The following VAV2 variants were observed in gnomAD, a reference collection of about 807,000 sequenced individuals.
VAV2 encodes the protein guanine nucleotide exchange factor VAV2.
A neutral mutation model predicts 132.5 loss-of-function variants in VAV2; 67 were observed. That is an observed-to-expected ratio of 0.51 (90% CI 0.42 to 0.62). The LOEUF (loss-of-function observed/expected upper bound fraction) is 0.62. VAV2 is among the 20% of genes least tolerant of loss of function. VAV2 has a pLI of 0.00. For missense variants in VAV2, 938 were observed against 1,153.6 expected (o/e 0.81, Z 2.71); for synonymous variants, 492 against 443.5 (o/e 1.11, Z -1.37).
rs189037733 is a variant in VAV2, at chr9:133,854,560, G to C, written c.380+6814C>G. 8.3e-3 allele frequency among the ~76,000 whole-genome samples: 1,262 copies of C among 152,368 alleles called. 35 individuals are homozygous for C. Among genetic ancestry groups the C allele is most frequent in the Admixed American group, 0.053 (810 of 15,308 alleles). ...GGCAACAGAGGCCTGGGGTGTGGAA[G>C]AGGTGCCAGACTGATGGAGCAAGCC... On this transcript the variant is annotated intron_variant, in intron 3 of 29. Coordinates refer to ENST00000371850, the MANE Select transcript of VAV2 (RefSeq NM_001134398.2).
intron 2 of VAV2, among the ~76,000 whole-genome samples, chr9:133,874,062 G>T (rs1245502980): frequency 6.6e-6 from 1 of 152,238 alleles, no homozygotes; most frequent in Non-Finnish European, 1.5e-5. Context: ...GAGTCACCGG[G>T]GCTGGGGCAG....
intron 3 of VAV2, among the ~76,000 whole-genome samples, chr9:133,855,228 T>C (rs542515170): frequency 6.6e-6 from 1 of 152,340 alleles, no homozygotes; most frequent in East Asian, 1.9e-4. Context: ...CCCTTCACCT[T>C]GGCTCACAGT....
Position 133,845,720 on chromosome 9 carries a change from C to T in VAV2, c.381-11380G>A, listed in dbSNP as rs116715173. Among the ~76,000 whole-genome samples the T allele has an allele frequency of 5.2e-3, 798 of 152,354 alleles. 4 individuals are homozygous for T. Among genetic ancestry groups the T allele is most frequent in the African/African-American group, 0.018 (750 of 41,584 alleles). On this transcript the variant is annotated intron_variant, in intron 3 of 29. Coordinates refer to ENST00000371850, the MANE Select transcript of VAV2 (RefSeq NM_001134398.2). Reference sequence around the variant, plus strand: ...CTACCCTTCCATCCCCTGCCCATGGCAGGCATCACTAGTCAATCACAGTAT... The same window carrying T: ...CTACCCTTCCATCCCCTGCCCATGGTAGGCATCACTAGTCAATCACAGTAT...
At chr9:133,792,782 A>C (rs922433258) in intron 12 of VAV2, among the ~76,000 whole-genome samples, 3 of 149,550 alleles carry the variant, frequency 2.0e-5, no homozygotes, top group Non-Finnish European at 4.4e-5. Context: ...GGGCTGAAAA[A>C]CATCACCTCT....
intron 2 of VAV2, among the ~76,000 whole-genome samples, chr9:133,873,226 G>C (rs970858406): frequency 6.6e-6 from 1 of 152,164 alleles, no homozygotes; most frequent in Admixed American, 6.5e-5. Context: ...TTTAATCTGA[G>C]ATCCTGAGCA....
At chr9:133,977,065 G>A (rs1251419368) in intron 1 of VAV2, among the ~76,000 whole-genome samples, 1 of 152,222 alleles carries the variant, frequency 6.6e-6, no homozygotes, top group African/African-American at 2.4e-5. Flanking sequence ...TGAGGTGCTG[G>A]GAGTTGCGGA....
At chr9:133,851,921 A>G (rs978024986) in intron 3 of VAV2, among the ~76,000 whole-genome samples, 2 of 150,304 alleles carry the variant, frequency 1.3e-5, no homozygotes, top group African/African-American at 2.5e-5. Context: ...GGATGGATGG[A>G]TGGATGGATG....
At chr9:133,793,518 C>A (rs918878377) in intron 12 of VAV2, among the ~76,000 whole-genome samples, 6 of 152,156 alleles carry the variant, frequency 3.9e-5, no homozygotes, top group Non-Finnish European at 5.9e-5. Flanking sequence ...GGAATAAATT[C>A]CCAGAGACAA....
rs368376830 is a variant in VAV2 at position 133,824,584 on chromosome 9, T to G, written c.449+9688A>C. 6.6e-6 allele frequency among the ~76,000 whole-genome samples: 1 copy of G among 152,264 alleles called. No homozygotes were observed. The highest frequency in any genetic ancestry group is 1.9e-4 in the East Asian group (1 of 5,164). On this transcript the variant is annotated intron_variant, in intron 4 of 29. Transcript: ENST00000371850. The surrounding 1 kb of genome is among the most constrained non-coding windows in gnomAD (Gnocchi z 5.2). ...CCTCCTCCAGGAAGGCTTCCTGCCC[T>G]CCTGGCTTGTCAGGGTCTGCCCCCA...
rs144097345 is a variant in VAV2, at chr9:133,801,358, A to G, written c.837-3549T>C. 7.7e-3 allele frequency among the ~76,000 whole-genome samples: 1,178 copies of G among 152,310 alleles called. 26 individuals are homozygous for G. The highest frequency in any genetic ancestry group is 0.043 in the Admixed American group (663 of 15,304). On this transcript the variant is annotated intron_variant, in intron 9 of 29. Transcript: ENST00000371850. ...TCACCACAGGGGCCCTGAGGCTCAG[A>G]GACGTGACGTGACTTCTGAGGTCGC...
chr9:133,853,684 C>T (rs976263012), intron 3 of VAV2, among the ~76,000 whole-genome samples: 4 of 152,154 alleles, frequency 2.6e-5, no homozygotes, highest in Non-Finnish European at 5.9e-5. Flanking sequence ...GCCTTGGCTG[C>T]CACATCAGCA....
intron 1 of VAV2, among the ~76,000 whole-genome samples, chr9:133,952,074 G>A (rs563052139): frequency 5.3e-5 from 8 of 151,992 alleles, no homozygotes; most frequent in Admixed American, 3.9e-4. Context: ...TGAAGGGTCC[G>A]CTCTTACGAC....
At chr9:133,813,892 A>G (rs1835454382) in intron 4 of VAV2, among the ~76,000 whole-genome samples, 2 of 152,350 alleles carry the variant, frequency 1.3e-5, no homozygotes, top group Non-Finnish European at 2.9e-5. Flanking sequence ...TGGGCCTCAC[A>G]GAATCCTTGG....
In VAV2 at chr9:133,836,407, G is replaced by A. The variant is rs59975587; in HGVS notation, c.381-2067C>T. Among the ~76,000 whole-genome samples, 1,403 of 152,266 alleles carry A rather than the reference G, an allele frequency of 9.2e-3. 20 individuals are homozygous for A. The highest frequency in any genetic ancestry group is 0.032 in the African/African-American group (1,318 of 41,546). On this transcript the variant is annotated intron_variant, in intron 3 of 29. Coordinates refer to ENST00000371850, the MANE Select transcript of VAV2 (RefSeq NM_001134398.2). ...TGCAGCCATCCCTGTCTCCAACCTC[G>A]TCAGTCATTTCTGCTTTTTCTAAAT...
intron 2 of VAV2, among the ~76,000 whole-genome samples, chr9:133,917,326 AG>A (rs1840128429): frequency 6.6e-6 from 1 of 152,200 alleles, no homozygotes; most frequent in Non-Finnish European, 1.5e-5. Flanking sequence ...CTACGCCGAC[AG>A]GGACAAACTC....
Position 133,768,881 on chromosome 9 carries a change from G to C in VAV2, c.2435-285C>G, listed in dbSNP as rs1833524197. On this transcript the variant is annotated intron_variant, in intron 28 of 29. Transcript: ENST00000371850. This position sits in a 1 kb window ranked among gnomAD's most constrained non-coding sequence, Gnocchi z 5.3. ...AGGCTTTGACCATCATCATTCCAGT[G>C]GTCCCCCAAATCCAACCAGAAACCC... Among the ~76,000 whole-genome samples the C allele has an allele frequency of 6.6e-6, 1 of 152,172 alleles. No individual in the cohort carries two copies. Among genetic ancestry groups the C allele is most frequent in the Non-Finnish European group, 1.5e-5 (1 of 68,034 alleles).
Position 133,967,358 on chromosome 9 carries a change from A to G in VAV2, c.204+24717T>C, listed in dbSNP as rs79681453. On this transcript the variant is annotated intron_variant, in intron 1 of 29. Transcript: ENST00000371850. Reference sequence around the variant, plus strand: ...TAGGAAACAGTACAGAGGGTCCTCAAAAAACTAAAAAGAGATCTGCCTGAT... The same window carrying G: ...TAGGAAACAGTACAGAGGGTCCTCAGAAAACTAAAAAGAGATCTGCCTGAT... 1.8e-3 allele frequency among the ~76,000 whole-genome samples: 272 copies of G among 152,346 alleles called. 1 individual carries two copies. Among genetic ancestry groups the G allele is most frequent in the East Asian group, 0.013 (69 of 5,190 alleles).
At position 133,804,514 on chromosome 9, in the gene VAV2, G is replaced by T. The variant is rs1588199260; in HGVS notation, c.836+1567C>A. Among the ~76,000 whole-genome samples the T allele has an allele frequency of 6.6e-6, 1 of 152,230 alleles. No homozygotes were observed. Among genetic ancestry groups the T allele is most frequent in the South Asian group, 2.1e-4 (1 of 4,834 alleles). ...CCGGGCAGCCTGACTGTGGAGGGAG[G>T]CTCCTGGGAGAGGACAGGTTATCCA... is the stretch of plus-strand genomic sequence containing the variant. On this transcript the variant is annotated intron_variant, in intron 9 of 29. Coordinates refer to ENST00000371850, the MANE Select transcript of VAV2 (RefSeq NM_001134398.2). This position sits in a 1 kb window ranked among gnomAD's most constrained non-coding sequence, Gnocchi z 4.5.
intron 1 of VAV2, among the ~76,000 whole-genome samples, chr9:133,940,926 G>GAA (rs59772575): frequency 8.1e-5 from 11 of 135,596 alleles, no homozygotes; most frequent in Admixed American, 1.5e-4. Flanking sequence ...ATAGCTAAAA[G>GAA]AAAAAAAAAA....
Sources: gnomAD v4.1 joint callset for allele counts (sites outside exome capture counted in the v4.1 genomes callset) on GRCh38, gnomAD v4.1.1 for gene constraint, Gnocchi (gnomAD v3.1) non-coding constraint, MANE v1.5 for transcripts, NCBI Gene and HGNC (gene_info 2026-07-23, HGNC 2026-07-21) for gene names.